Variants in PRELID2 observed in about 807,000 individuals in gnomAD.
PRELID2 encodes PRELI domain-containing protein 2.
A neutral mutation model predicts 28.4 loss-of-function variants in PRELID2; 25 were observed. The observed-to-expected ratio is 0.88, with a 90% CI of 0.64 to 1.23. PRELID2 has a LOEUF of 1.23. PRELID2 is among the 50% of genes most tolerant of loss of function. The pLI is 0.00. For missense variants in PRELID2, 201 were observed against 214.4 expected, an observed-to-expected ratio of 0.94 and a Z score of 0.39; for synonymous variants, 76 against 71.6, an observed-to-expected ratio of 1.06 and a Z score of -0.31.
At chr5:145,432,939 T>C in the PRELID2 span, among the ~76,000 whole-genome samples, 1 of 152,278 alleles carries the variant, frequency 6.6e-6, no homozygotes, top group African/African-American at 2.4e-5. Context: ...GCATCTTCAA[T>C]TGGTAGCCTG....
At chr5:145,438,688 G>T in the PRELID2 span, among the ~76,000 whole-genome samples, 4 of 152,120 alleles carry the variant, frequency 2.6e-5, no homozygotes, top group East Asian at 5.8e-4. Flanking sequence ...GTGAAAGCAG[G>T]TTCTACCTAT....
At chr5:145,786,436 T>C (rs2149802575) in intron 5 of PRELID2, among the ~76,000 whole-genome samples, 1 of 152,342 alleles carries the variant, frequency 6.6e-6, no homozygotes, top group South Asian at 2.1e-4. Context: ...TGCCACATTC[T>C]GAGATCATCT....
At chr5:145,675,829 T>C (rs1754802060) in intron 1 of PRELID2, among the ~76,000 whole-genome samples, 1 of 152,064 alleles carries the variant, frequency 6.6e-6, no homozygotes, top group Non-Finnish European at 1.5e-5. Context: ...ATCCACACAA[T>C]GAAGAACTAC....
At chr5:145,339,843 C>A in the PRELID2 span, among the ~76,000 whole-genome samples, 1 of 152,150 alleles carries the variant, frequency 6.6e-6, no homozygotes, top group Non-Finnish European at 1.5e-5. Flanking sequence ...GTATCCTGCC[C>A]TGAGGCATGG....
At chr5:145,385,143 C>G in the PRELID2 span, among the ~76,000 whole-genome samples, 1 of 152,110 alleles carries the variant, frequency 6.6e-6, no homozygotes, top group Non-Finnish European at 1.5e-5. Context: ...CACTTATAGT[C>G]TGCGTGTTAT....
the PRELID2 span, among the ~76,000 whole-genome samples, chr5:145,380,148 C>T: frequency 6.6e-6 from 1 of 152,178 alleles, no homozygotes; most frequent in African/African-American, 2.4e-5. Flanking sequence ...TTTAAGTGTC[C>T]ATGGTGGTTG....
rs563522232 is a variant in PRELID2, at chr5:145,707,792, T to C, written n.70+57139A>G. On this transcript the variant is annotated intron_variant and non_coding_transcript_variant, in intron 1 of 2. Coordinates refer to the PRELID2 transcript ENST00000510259. ...GAAGTTCCTGGGATTGTTTACATTG[T>C]GTTGTCCCTATTCAAATTATGAAGT... 3.3e-5 allele frequency among the ~76,000 whole-genome samples: 5 copies of C among 152,232 alleles called. No individual in the cohort carries two copies. In the East Asian group the frequency reaches 9.7e-4, roughly 30 times the overall value.
intron 1 of PRELID2, among the ~76,000 whole-genome samples, chr5:145,517,434 G>A (rs1261304466): frequency 1.4e-4 from 21 of 151,990 alleles, no homozygotes; most frequent in Non-Finnish European, 4.4e-5. Context: ...TCAAAACCAC[G>A]ATGAGATACC....
At chr5:145,231,369 A>C in the PRELID2 span, among the ~76,000 whole-genome samples, 2 of 152,178 alleles carry the variant, frequency 1.3e-5, no homozygotes, top group African/African-American at 4.8e-5. Flanking sequence ...GTAAACACTG[A>C]ACCCAAAAGA....
intron 1 of PRELID2, among the ~76,000 whole-genome samples, chr5:145,823,782 C>A (rs1754989747): frequency 6.6e-6 from 1 of 152,068 alleles, no homozygotes; most frequent in African/African-American, 2.4e-5. Flanking sequence ...AATTTAATTC[C>A]CCTGAAAAGC....
intron 1 of PRELID2, among the ~76,000 whole-genome samples, chr5:145,628,986 T>A (rs1375829179): frequency 6.6e-6 from 1 of 152,066 alleles, no homozygotes; most frequent in Admixed American, 6.5e-5. Context: ...GCAAGGAAGG[T>A]GGTTTGAAAA....
At chr5:145,726,217 A>AAGG in intron 1 of PRELID2, among the ~76,000 whole-genome samples, 1 of 128,370 alleles carries the variant, frequency 7.8e-6, no homozygotes, top group African/African-American at 3.0e-5. Flanking sequence ...AAGAGAGAAG[A>AAGG]AAGGAAGGAA....
At chr5:145,512,080 G>C (rs1752466176) in intron 1 of PRELID2, among the ~76,000 whole-genome samples, 1 of 152,100 alleles carries the variant, frequency 6.6e-6, no homozygotes. Context: ...TCTCTAACTT[G>C]GTACATTCAC....
the PRELID2 span, among the ~76,000 whole-genome samples, chr5:145,402,781 T>A: frequency 7.2e-5 from 11 of 152,292 alleles, no homozygotes; most frequent in Admixed American, 7.2e-4. Context: ...ATAGTGAGGA[T>A]CACAATGTGA....
chr5:145,372,105 A>G, the PRELID2 span, among the ~76,000 whole-genome samples: 1 of 151,872 alleles, frequency 6.6e-6, no homozygotes, highest in Non-Finnish European at 1.5e-5. Context: ...TTACCTCTTA[A>G]CACTGCTTTA....
chr5:145,599,625 T>G (rs1010813828), intron 1 of PRELID2, among the ~76,000 whole-genome samples: 1 of 152,100 alleles, frequency 6.6e-6, no homozygotes, highest in Non-Finnish European at 1.5e-5. Context: ...ACTCCATGAA[T>G]GTGTGTTAGA....
chr5:145,739,434 G>A (rs1262848801), intron 1 of PRELID2, among the ~76,000 whole-genome samples: 1 of 152,156 alleles, frequency 6.6e-6, no homozygotes, highest in African/African-American at 2.4e-5. Flanking sequence ...GAACCTGGGA[G>A]GTGGAGGTTG....
chr5:145,834,899 G>A (rs183839535), intron 1 of PRELID2: 1 of 370,048 alleles, frequency 2.7e-6, no homozygotes, highest in East Asian at 4.4e-5. Flanking sequence ...GCAACTCCAC[G>A]GAGCTCACGA....
At chr5:145,627,293 C>T (rs75593995) in intron 1 of PRELID2, among the ~76,000 whole-genome samples, 3,359 of 151,940 alleles carry the variant, frequency 0.022, 131 homozygotes, top group African/African-American at 0.076. Context: ...TTCTCACTTA[C>T]AAATGGGTGG....
Sources: gnomAD v4.1 joint callset for allele counts (sites outside exome capture counted in the v4.1 genomes callset) on GRCh38, gnomAD v4.1.1 for gene constraint, MANE v1.5 for transcripts, NCBI Gene and HGNC (gene_info 2026-07-23, HGNC 2026-07-21) for gene names.